SCAI: variants seen among roughly 807,000 people sequenced by gnomAD.
SCAI encodes protein SCAI.
SCAI carries 24 observed loss-of-function variants against 92.2 expected under a neutral mutation model. The ratio of observed to expected loss-of-function variants is 0.26; its 90% CI spans 0.19 to 0.37. The LOEUF (loss-of-function observed/expected upper bound fraction) is 0.37, where lower values mean the gene tolerates loss of function less well. Ranked by LOEUF, SCAI falls within the 10% of genes least tolerant of loss-of-function variation. The pLI, the probability that SCAI is intolerant of heterozygous loss-of-function variation, is 1.00. For synonymous variants in SCAI, 261 were observed against 258.6 expected, an observed-to-expected ratio of 1.01 and a Z score of -0.09; for missense variants, 450 against 736.2, an observed-to-expected ratio of 0.61 and a Z score of 4.50.
chr9:125,029,567 A>C (rs1353534544), intron 4 of SCAI, 77 bp downstream of exon 4: 3 of 729,992 alleles, frequency 4.1e-6, no homozygotes, highest in Non-Finnish European at 6.7e-6. Flanking sequence ...GACAAAAAGC[A>C]CTGAAGTAGT....
At chr9:125,114,876 C>A (rs750304191) in intron 2 of SCAI, among the ~76,000 whole-genome samples, 17 of 150,056 alleles carry the variant, frequency 1.1e-4, no homozygotes, top group Non-Finnish European at 2.2e-4. Flanking sequence ...CAGGTTCAAG[C>A]AATTCTCCTT....
At chr9:125,085,290 C>A (rs1212887276) in intron 2 of SCAI, among the ~76,000 whole-genome samples, 1 of 151,730 alleles carries the variant, frequency 6.6e-6, no homozygotes, top group Non-Finnish European at 1.5e-5. Flanking sequence ...GGTTCGAGAC[C>A]GGCCTTGCCA....
chr9:125,071,136 T>C (rs1319924199), intron 2 of SCAI, among the ~76,000 whole-genome samples: 1 of 152,226 alleles, frequency 6.6e-6, no homozygotes, highest in African/African-American at 2.4e-5. Flanking sequence ...TGTGAGTCCA[T>C]TAAACTTCTT....
intron 2 of SCAI, among the ~76,000 whole-genome samples, chr9:125,067,509 C>T (rs559812148): frequency 1.2e-4 from 19 of 152,238 alleles, no homozygotes; most frequent in East Asian, 1.9e-4. Context: ...AGCCAAGGAA[C>T]GCCAAGGATT....
At chr9:124,976,230 A>T in intron 14 of SCAI, 44 bp from the exon 15 acceptor site, 1 of 1,320,888 alleles carries the variant, frequency 7.6e-7, no homozygotes, top group East Asian at 2.3e-5. Context: ...AGATTTGACC[A>T]AAGATAGTTA....
chr9:124,950,605 G>A lies in SCAI; in HGVS notation c.*2202C>T, dbSNP rs1214426933. ...TAGTTCAATGAACACTGTTACTAAA[G>A]GAAAGCTATGAAGTTTATTAAGATA... On this transcript the variant is annotated 3_prime_UTR_variant, in exon 18 of 18. Transcript: ENST00000336505. 4 of 151,950 alleles carry A rather than the reference G, an allele frequency of 2.6e-5. No homozygotes were observed. The highest frequency in any genetic ancestry group is 9.7e-5 in the African/African-American group (4 of 41,358). 9.4% of individuals were successfully genotyped at this position (151,950 alleles called of 1,614,324 possible).
At chr9:125,069,151 G>A (rs555779981) in intron 2 of SCAI, among the ~76,000 whole-genome samples, 15 of 152,056 alleles carry the variant, frequency 9.9e-5, no homozygotes, top group African/African-American at 3.4e-4. Flanking sequence ...CCGAGAGGCA[G>A]AGGTTGCAGT....
At chr9:124,978,558 A>C (rs1831809067) in intron 14 of SCAI, among the ~76,000 whole-genome samples, 1 of 152,368 alleles carries the variant, frequency 6.6e-6, no homozygotes, top group South Asian at 2.1e-4. Flanking sequence ...AAATTGATAT[A>C]AACACTTTAG....
intron 2 of SCAI, among the ~76,000 whole-genome samples, chr9:125,058,824 T>C (rs555093711): frequency 1.3e-5 from 2 of 152,226 alleles, no homozygotes; most frequent in African/African-American, 2.4e-5. Context: ...TATCTTGTGG[T>C]AGTAAGCAAG....
chr9:125,015,367 G>GT (rs1564379404), intron 9 of SCAI, among the ~76,000 whole-genome samples: 1 of 151,872 alleles, frequency 6.6e-6, no homozygotes, highest in Non-Finnish European at 1.5e-5. Flanking sequence ...CAAAAAGCGG[G>GT]TGAAGGACAT....
At position 124,999,950 on chromosome 9, in the gene SCAI, C is replaced by A. The variant is rs762618266; in HGVS notation, c.1185G>T (p.Arg395=). The change falls in exon 13 of 18, where the codon CGG becomes CGT. Residue 395 remains arginine, a synonymous_variant. Coordinates refer to ENST00000336505, the MANE Select transcript of SCAI (RefSeq NM_001144877.3). Reference sequence around the variant, plus strand: ...GGATGGCATCTCCATTAATAATATCCCGGTTACTATTAGTAAGTACACCTC... The same window carrying A: ...GGATGGCATCTCCATTAATAATATCACGGTTACTATTAGTAAGTACACCTC... The part of the protein sequence containing the change: ...DFGGVLTNSN[R]DIINGDAIHK... 4.4e-6 allele frequency: 7 copies of A among 1,595,600 alleles called. No individual in the cohort carries two copies. Among genetic ancestry groups the A allele is most frequent in the Non-Finnish European group, 6.0e-6 (7 of 1,169,622 alleles).
rs558097129 is a variant in SCAI at position 125,074,130 on chromosome 9, G to A, written c.99-18123C>T. Among the ~76,000 whole-genome samples the A allele has an allele frequency of 1.3e-4, 19 of 151,462 alleles. No homozygotes were observed. In the South Asian group the frequency reaches 1.5e-3, roughly 12 times the overall value. ...AAAAATTAGCCAGGTGTGGTGGCAC[G>A]CGCCTGTAGTCCCAGCTACTCAGGA... is the stretch of plus-strand genomic sequence containing the variant. On this transcript the variant is annotated intron_variant, in intron 2 of 17. Coordinates refer to ENST00000336505, the MANE Select transcript of SCAI (RefSeq NM_001144877.3).
intron 3 of SCAI, among the ~76,000 whole-genome samples, chr9:125,038,092 C>T (rs1026822364): frequency 2.0e-5 from 3 of 151,928 alleles, no homozygotes; most frequent in African/African-American, 7.3e-5. Flanking sequence ...CCTGTCTCTA[C>T]AAAAAAATAC....
chr9:125,028,959 G>A (rs1366648686), intron 4 of SCAI, among the ~76,000 whole-genome samples: 5 of 151,838 alleles, frequency 3.3e-5, no homozygotes, highest in African/African-American at 9.7e-5. Flanking sequence ...CACCATGCCC[G>A]ACTAATTTTT....
At chr9:125,038,829 A>C (rs1833255028) in intron 3 of SCAI, among the ~76,000 whole-genome samples, 1 of 152,148 alleles carries the variant, frequency 6.6e-6, no homozygotes, top group Non-Finnish European at 1.5e-5. Flanking sequence ...ATTGTCTTTG[A>C]TGTGAATTTT....
intron 2 of SCAI, among the ~76,000 whole-genome samples, chr9:125,114,504 T>C (rs1446017702): frequency 6.6e-6 from 1 of 152,194 alleles, no homozygotes; most frequent in Non-Finnish European, 1.5e-5. Flanking sequence ...GATGGGAGCA[T>C]AAACTGGTAC....
At chr9:124,969,912 G>A (rs767342320) in intron 17 of SCAI, among the ~76,000 whole-genome samples, 6 of 151,944 alleles carry the variant, frequency 3.9e-5, no homozygotes, top group African/African-American at 7.3e-5. Flanking sequence ...GGAGTGCAGC[G>A]GCATGATCTC....
At chr9:124,998,407 C>T (rs532958004) in intron 13 of SCAI, among the ~76,000 whole-genome samples, 27 of 151,482 alleles carry the variant, frequency 1.8e-4, no homozygotes, top group African/African-American at 3.9e-4. Flanking sequence ...GAGCCAAGAT[C>T]GTGCCACTGC....
chr9:125,030,267 G>T (rs1436215688), intron 3 of SCAI, among the ~76,000 whole-genome samples: 1 of 152,118 alleles, frequency 6.6e-6, no homozygotes, highest in Non-Finnish European at 1.5e-5. Flanking sequence ...CATTGGGCCT[G>T]GCCGTATTAA....
Sources: allele counts gnomAD v4.1 joint callset (sites outside exome capture counted in the v4.1 genomes callset), GRCh38; gene constraint gnomAD v4.1.1; transcripts MANE v1.5; gene names NCBI Gene and HGNC (gene_info 2026-07-23, HGNC 2026-07-21).